TRDMT1: variants seen among roughly 807,000 people sequenced by gnomAD.
TRDMT1 encodes the protein tRNA (cytosine(38)-C(5))-methyltransferase.
TRDMT1 carries 49 observed loss-of-function variants against 51.2 expected under a neutral mutation model. The ratio of observed to expected loss-of-function variants is 0.96; its 90% CI spans 0.76 to 1.21. The LOEUF is 1.21. Among genes scored for constraint, TRDMT1 ranks in the 50% most tolerant of loss-of-function variants. TRDMT1 has a pLI of 0.00. For missense variants in TRDMT1, 534 were observed against 462.3 expected, an observed-to-expected ratio of 1.16 and a Z score of -1.42; for synonymous variants, 187 against 164.6, an observed-to-expected ratio of 1.14 and a Z score of -1.04.
At chr10:17,170,586 T>C (rs1588586044) in intron 2 of TRDMT1, among the ~76,000 whole-genome samples, 1 of 152,186 alleles carries the variant, frequency 6.6e-6, no homozygotes, top group Non-Finnish European at 1.5e-5. Flanking sequence ...ATTTGAACTT[T>C]AGGAAGAACT....
At chr10:17,169,776 A>G (rs78309416) in intron 2 of TRDMT1, among the ~76,000 whole-genome samples, 4,641 of 152,304 alleles carry the variant, frequency 0.03, 222 homozygotes, top group African/African-American at 0.11. Flanking sequence ...TCTCCATTGT[A>G]TTAACAGTTT....
Position 17,144,070 on chromosome 10 carries a change from C to T in TRDMT1, c.*4970G>A. The T allele has an allele frequency of 1.0e-6, 1 of 985,396 alleles. No individual in the cohort carries two copies. Among genetic ancestry groups the T allele is most frequent in the Non-Finnish European group, 1.2e-6 (1 of 829,948 alleles). 61.0% of individuals were successfully genotyped at this position (985,396 alleles called of 1,614,324 possible). On this transcript the variant is annotated 3_prime_UTR_variant, in exon 11 of 11. Transcript: ENST00000377799. ...TGAAGTTGTAGGAAAGGGTGAGAAT[C>T]TCTAAGAAAAATGGCATGAAAAGTG... is the stretch of plus-strand genomic sequence containing the variant.
chr10:17,143,075 G>A lies in TRDMT1; in HGVS notation c.*5965C>T, dbSNP rs1837813102. On this transcript the variant is annotated 3_prime_UTR_variant, in exon 11 of 11. Transcript: ENST00000377799. ...TTTAAATCATGTGTTCCAGACTTGA[G>A]TAACTTTGGCTGTTCCTCTGGGCAT... is the stretch of plus-strand genomic sequence containing the variant. 2.0e-6 allele frequency: 2 copies of A among 985,432 alleles called. No homozygotes were observed. The highest frequency in any genetic ancestry group is 3.5e-5 in the African/African-American group (2 of 57,366). The allele number at this position is 985,432 out of a possible 1,614,324, so 61.0% of individuals were successfully genotyped here. A position where few individuals can be genotyped will look rare whatever the true frequency, so the allele number is the denominator to read the frequency against.
At chr10:17,151,065 G>T (rs1051593238) in intron 10 of TRDMT1, 1 of 925,404 alleles carries the variant, frequency 1.1e-6, no homozygotes. Context: ...TATTAGGTTG[G>T]TGCAAAAGCA....
intron 1 of TRDMT1, 117 bp downstream of exon 1, chr10:17,201,454 A>G: frequency 8.9e-7 from 1 of 1,127,256 alleles, no homozygotes; most frequent in Non-Finnish European, 1.2e-6. Context: ...GCCGCCCCAC[A>G]GTGTCCGCCC....
At chr10:17,165,475 T>C (rs1841059851) in intron 3 of TRDMT1, among the ~76,000 whole-genome samples, 1 of 152,272 alleles carries the variant, frequency 6.6e-6, no homozygotes, top group Admixed American at 6.5e-5. Context: ...ACTTTATGTC[T>C]AAAACACCAA....
At position 17,146,843 on chromosome 10, in the gene TRDMT1, A is replaced by C. The variant is rs1214095191; in HGVS notation, c.*2197T>G. ...CATTTTCCAAATTAATTATGCATAC[A>C]TATACATCTGCTAATTGAATGACAC... On this transcript the variant is annotated 3_prime_UTR_variant, in exon 11 of 11. Coordinates refer to ENST00000377799, the MANE Select transcript of TRDMT1 (RefSeq NM_004412.7). The C allele has an allele frequency of 1.0e-6, 1 of 985,282 alleles. No individual in the cohort carries two copies. The highest frequency in any genetic ancestry group is 1.1e-4 in the East Asian group (1 of 8,828). 61.0% of individuals were successfully genotyped at this position (985,282 alleles called of 1,614,324 possible). A position where few individuals can be genotyped will look rare whatever the true frequency, so the allele number is the denominator to read the frequency against.
intron 3 of TRDMT1, among the ~76,000 whole-genome samples, chr10:17,165,192 A>G (rs1243933851): frequency 6.6e-6 from 1 of 152,188 alleles, no homozygotes; most frequent in Admixed American, 6.5e-5. Flanking sequence ...ATGGAACAGA[A>G]CAGAGCCCTC....
At chr10:17,156,730 T>C (rs939792617) in intron 8 of TRDMT1, among the ~76,000 whole-genome samples, 1 of 152,168 alleles carries the variant, frequency 6.6e-6, no homozygotes, top group Non-Finnish European at 1.5e-5. Flanking sequence ...TGCGATAATA[T>C]TCTATTTATA....
At chr10:17,159,375 G>C in intron 6 of TRDMT1, 146 bp from the exon 7 acceptor site, 1 of 540,934 alleles carries the variant, frequency 1.8e-6, no homozygotes, top group Non-Finnish European at 3.3e-6. Flanking sequence ...CGGATTTGTA[G>C]AAGACTCCAT....
At chr10:17,172,963 C>T (rs993961781) in intron 2 of TRDMT1, among the ~76,000 whole-genome samples, 1 of 151,678 alleles carries the variant, frequency 6.6e-6, no homozygotes, top group Non-Finnish European at 1.5e-5. Flanking sequence ...GAGAATCCAA[C>T]AGGAAAATAA....
Position 17,161,524 on chromosome 10 carries a change from A to G in TRDMT1, c.348T>C (p.Ile116=). ...CAAAACCTTTAACATTTTCCAAAAGAATATACTTTGGTAATTTTTGTAATC... is the reference window on the plus strand; with the variant it reads ...CAAAACCTTTAACATTTTCCAAAAGGATATACTTTGGTAATTTTTGTAATC... ...LPRLQKLPKY[I]LLENVKGFEV... The change falls in exon 5 of 11, where the codon ATT becomes ATC. Residue 116 remains isoleucine, a synonymous_variant. Transcript: ENST00000377799. 1 of 1,327,654 alleles carries G rather than the reference A, an allele frequency of 7.5e-7. No homozygotes were observed. The allele number at this position is 1,327,654 out of a possible 1,614,324, so 82.2% of individuals were successfully genotyped here.
intron 1 of TRDMT1, among the ~76,000 whole-genome samples, chr10:17,199,643 T>C (rs1167755218): frequency 6.6e-6 from 1 of 152,188 alleles, no homozygotes; most frequent in East Asian, 1.9e-4. Context: ...CCTGTTAAGA[T>C]GGGACTGTGA....
chr10:17,184,937 T>C (rs1401739762), intron 1 of TRDMT1, among the ~76,000 whole-genome samples: 2 of 152,212 alleles, frequency 1.3e-5, no homozygotes, highest in Non-Finnish European at 2.9e-5. Flanking sequence ...TGTTTGTGTA[T>C]TTCTTTCTCT....
rs932337266 is a variant in TRDMT1 at position 17,145,080 on chromosome 10, T to A, written c.*3960A>T. On this transcript the variant is annotated 3_prime_UTR_variant, in exon 11 of 11. Coordinates refer to ENST00000377799, the MANE Select transcript of TRDMT1 (RefSeq NM_004412.7). ...GCCTGGCCAACATGGTGAAACCCGA[T>A]CTCTACTAATACAAAAATTAGCTAG... is the stretch of plus-strand genomic sequence containing the variant. 3 of 669,488 alleles carry A rather than the reference T, an allele frequency of 4.5e-6. No homozygotes were observed. The highest frequency in any genetic ancestry group is 5.5e-6 in the Non-Finnish European group (3 of 541,704). The allele number at this position is 669,488 out of a possible 1,614,324, so 41.5% of individuals were successfully genotyped here. A position where few individuals can be genotyped will look rare whatever the true frequency, so the allele number is the denominator to read the frequency against.
chr10:17,147,893 G>A lies in TRDMT1; in HGVS notation c.*1147C>T, dbSNP rs1165830870. 5 of 709,006 alleles carry A rather than the reference G, an allele frequency of 7.1e-6. No homozygotes were observed. Among genetic ancestry groups the A allele is most frequent in the Non-Finnish European group, 8.7e-6 (5 of 577,986 alleles). 43.9% of individuals were successfully genotyped at this position (709,006 alleles called of 1,614,324 possible). ...GAATTTTGTGACGAACCTCCATAGC[G>A]TTTTCCAACAGCAGCTGAACCATTT... On this transcript the variant is annotated 3_prime_UTR_variant, in exon 11 of 11. Transcript: ENST00000377799.
At chr10:17,183,574 C>T (rs1001260311) in intron 1 of TRDMT1, among the ~76,000 whole-genome samples, 3 of 151,978 alleles carry the variant, frequency 2.0e-5, no homozygotes, top group Non-Finnish European at 2.9e-5. Context: ...TGTGCCACCA[C>T]GCCCGGCTAA....
chr10:17,162,189 T>C lies in TRDMT1; in HGVS notation c.300A>G (p.Leu100=). Reference sequence around the variant, plus strand: ...ACCTTGGGAGAATATCTAGAATATGTAAGAAGCTATTCGTCCTTGAATCAG... The same window carrying C: ...ACCTTGGGAGAATATCTAGAATATGCAAGAAGCTATTCGTCCTTGAATCAG... ...DMTDSRTNSF[L]HILDILPRLQ... is the part of the protein sequence containing the mutation. The change falls in exon 4 of 11, where the codon TTA becomes TTG. Residue 100 remains leucine, a synonymous_variant. Transcript: ENST00000377799. The C allele has an allele frequency of 6.2e-7, 1 of 1,607,704 alleles. No individual in the cohort carries two copies. The highest frequency in any genetic ancestry group is 8.5e-7 in the Non-Finnish European group (1 of 1,177,766).
At chr10:17,191,372 T>C (rs1169273746) in intron 1 of TRDMT1, among the ~76,000 whole-genome samples, 1 of 152,152 alleles carries the variant, frequency 6.6e-6, no homozygotes, top group Non-Finnish European at 1.5e-5. Context: ...GCAAGATCAG[T>C]AAAGAGGCTA....
Sources: allele counts gnomAD v4.1 joint callset (sites outside exome capture counted in the v4.1 genomes callset), GRCh38; gene constraint gnomAD v4.1.1; transcripts MANE v1.5; gene names NCBI Gene and HGNC (gene_info 2026-07-23, HGNC 2026-07-21).